Variants in PIAS4 observed in about 807,000 individuals in gnomAD.
PIAS4 encodes E3 SUMO-protein ligase PIAS4.
A neutral mutation model predicts 58.0 loss-of-function variants in PIAS4; 7 were observed. The observed-to-expected ratio is 0.12, with a 90% CI of 0.07 to 0.23. PIAS4 has a LOEUF of 0.23. Among genes scored for constraint, PIAS4 ranks in the 10% least tolerant of loss-of-function variants. The pLI is 1.00. For missense variants in PIAS4, 550 were observed against 709.5 expected, an observed-to-expected ratio of 0.78 and a Z score of 2.55; for synonymous variants, 364 against 312.4, an observed-to-expected ratio of 1.17 and a Z score of -1.74.
At chr19:4,032,200 T>TG (rs997863348) in intron 7 of PIAS4, among the ~76,000 whole-genome samples, 17 of 143,532 alleles carry the variant, frequency 1.2e-4, no homozygotes, top group Admixed American at 6.9e-5. Context: ...TCAGGACAGC[T>TG]GGGGGGAGTG....
At chr19:4,014,075 G>C (rs1299220617) in intron 2 of PIAS4, among the ~76,000 whole-genome samples, 1 of 152,180 alleles carries the variant, frequency 6.6e-6, no homozygotes, top group Non-Finnish European at 1.5e-5. Context: ...CCGGGCTCTG[G>C]TTCCTCGCTG....
Position 4,037,624 on chromosome 19 carries a change from G to C in PIAS4, c.1282G>C (p.Asp428His). ...QGAILVLGPS[D>H]ANGLLPAPSV... ...GTCCCTGTTGCCCGTAGGCCCCTCGGACGCCAATGGGCTCCTGCCCGCCCC... is the reference window on the plus strand; with the variant it reads ...GTCCCTGTTGCCCGTAGGCCCCTCGCACGCCAATGGGCTCCTGCCCGCCCC... The change falls in exon 11 of 11, where the codon GAC becomes CAC. Residue 428 changes from aspartate to histidine, a missense_variant. This residue lies in a region of PIAS4 where 188 missense variants were observed against 192.0 expected (regional missense o/e 0.98). Coordinates refer to ENST00000262971, the MANE Select transcript of PIAS4 (RefSeq NM_015897.4). The surrounding 1 kb of genome is among the most constrained non-coding windows in gnomAD (Gnocchi z 5.8). The C allele has an allele frequency of 6.2e-7, 1 of 1,610,570 alleles. No homozygotes were observed. Among genetic ancestry groups the C allele is most frequent in the Non-Finnish European group, 8.5e-7 (1 of 1,179,786 alleles).
At chr19:4,031,534 C>A (rs1355451928) in intron 7 of PIAS4, among the ~76,000 whole-genome samples, 1 of 152,130 alleles carries the variant, frequency 6.6e-6, no homozygotes, top group Non-Finnish European at 1.5e-5. Flanking sequence ...GCCCTTTTTT[C>A]AACCGCCCCC....
intron 2 of PIAS4, 40 bp from the exon 3 acceptor site, chr19:4,023,996 C>A: frequency 7.0e-7 from 1 of 1,419,030 alleles, no homozygotes; most frequent in Non-Finnish European, 1.0e-6. Context: ...GGGGACCTGC[C>A]AGGGACCAGA....
In PIAS4 at chr19:4,028,785, C is replaced by T. The variant is rs2289863; in HGVS notation, c.738C>T (p.Thr246=). 0.72 allele frequency: 1,156,441 copies of T among 1,613,108 alleles called. 427,523 individuals carry two copies. Among genetic ancestry groups the T allele is most frequent in the East Asian group, 0.9 (40,356 of 44,814 alleles). ...PKRPCRPINL[T]HLMYLSSATN... ...GGCCGTGCCGCCCCATCAACCTCAC[C>T]CACCTCATGTACCTGTCCTCGGCCA... Residue 246 remains threonine, a synonymous_variant, in exon 6 of 11, where the codon ACC becomes ACT. Transcript: ENST00000262971.
intron 9 of PIAS4, among the ~76,000 whole-genome samples, chr19:4,036,292 ACACACACATCTATACAG>A (rs1203432100): frequency 8.1e-6 from 1 of 123,270 alleles, no homozygotes; most frequent in Non-Finnish European, 1.8e-5. Flanking sequence ...ACCGTCACAC[ACACACACATCTATACAG>A]TCCACACCTG....
Position 4,038,017 on chromosome 19 carries a change from C to A in PIAS4, c.*142C>A. 1.3e-6 allele frequency: 1 copy of A among 783,176 alleles called. No homozygotes were observed. The highest frequency in any genetic ancestry group is 2.0e-6 in the Non-Finnish European group (1 of 498,568). The allele number at this position is 783,176 out of a possible 1,614,324, so 48.5% of individuals were successfully genotyped here. On this transcript the variant is annotated 3_prime_UTR_variant, in exon 11 of 11. Coordinates refer to ENST00000262971, the MANE Select transcript of PIAS4 (RefSeq NM_015897.4). The surrounding 1 kb of genome is among the most constrained non-coding windows in gnomAD (Gnocchi z 4.1). ...TTCCACCCTTTTGCCTGGCTCCTGGCACCTGTACCTCTGGACTCTCCTATC... is the reference window on the plus strand; with the variant it reads ...TTCCACCCTTTTGCCTGGCTCCTGGAACCTGTACCTCTGGACTCTCCTATC...
At chr19:4,031,762 C>A (rs765042079) in intron 7 of PIAS4, among the ~76,000 whole-genome samples, 1 of 152,218 alleles carries the variant, frequency 6.6e-6, no homozygotes, top group Non-Finnish European at 1.5e-5. Context: ...GGATTTCTTT[C>A]TTGCTGCACC....
At position 4,037,352 on chromosome 19, in the gene PIAS4, T is replaced by C; in HGVS notation, c.1143-22T>C. The stretch of plus-strand genomic sequence containing the variant: ...GGGTGGGGCACCTCCAGCCCCGGCG[T>C]CAGCTGTCCGCCTCGCCCCAGGCTC... On this transcript the variant is annotated intron_variant, in intron 9 of 10. Transcript: ENST00000262971. This position sits in a 1 kb window ranked among gnomAD's most constrained non-coding sequence, Gnocchi z 5.8. 1.3e-6 allele frequency: 2 copies of C among 1,589,802 alleles called. No homozygotes were observed. The highest frequency in any genetic ancestry group is 1.1e-5 in the South Asian group (1 of 89,644).
chr19:4,028,330 C>A, intron 4 of PIAS4, 143 bp downstream of exon 4: 1 of 818,848 alleles, frequency 1.2e-6, no homozygotes. Flanking sequence ...CTATCCCTGT[C>A]TGGGGATACA....
chr19:4,032,409 C>T (rs2040231159), intron 7 of PIAS4, among the ~76,000 whole-genome samples: 1 of 152,170 alleles, frequency 6.6e-6, no homozygotes, highest in South Asian at 2.1e-4. Flanking sequence ...TGGAGTTTAC[C>T]CTGGGATGGA....
chr19:4,018,650 C>G (rs1341965253), intron 2 of PIAS4: 1 of 152,242 alleles, frequency 6.6e-6, no homozygotes, highest in Admixed American at 6.5e-5. Context: ...ACCATCTCCC[C>G]CTTGGGGAAC....
At chr19:4,021,972 C>G (rs890221227) in intron 2 of PIAS4, among the ~76,000 whole-genome samples, 1 of 151,794 alleles carries the variant, frequency 6.6e-6, no homozygotes, top group Admixed American at 6.6e-5. Context: ...TGGCCTCAAA[C>G]TCCTGGGCTC....
chr19:4,039,084 A>C lies in PIAS4; in HGVS notation c.*1209A>C, dbSNP rs914600898. On this transcript the variant is annotated 3_prime_UTR_variant, in exon 11 of 11. Coordinates refer to ENST00000262971, the MANE Select transcript of PIAS4 (RefSeq NM_015897.4). Reference sequence around the variant, plus strand: ...CAGGAGACCGGGGCGCAGGCGGGGCACCGGCCTCACCTGGTTCTCCAACAC... The same window carrying C: ...CAGGAGACCGGGGCGCAGGCGGGGCCCCGGCCTCACCTGGTTCTCCAACAC... 6.6e-6 allele frequency: 1 copy of C among 152,248 alleles called. No individual in the cohort carries two copies. Among genetic ancestry groups the C allele is most frequent in the East Asian group, 1.9e-4 (1 of 5,186 alleles). The allele number at this position is 152,248 out of a possible 1,614,324, so 9.4% of individuals were successfully genotyped here. A position where few individuals can be genotyped will look rare whatever the true frequency, so the allele number is the denominator to read the frequency against.
Position 4,033,191 on chromosome 19 carries a change from C to A in PIAS4, c.981+18C>A. 1 of 1,601,160 alleles carries A rather than the reference C, an allele frequency of 6.2e-7. No individual in the cohort carries two copies. The highest frequency in any genetic ancestry group is 1.1e-5 in the South Asian group (1 of 90,978). On this transcript the variant is annotated intron_variant, in intron 8 of 10. Coordinates refer to ENST00000262971, the MANE Select transcript of PIAS4 (RefSeq NM_015897.4). ...TCTGTCCGGTGAGTCGGGGCGCGGT[C>A]CCCTCCTCGAGGCCTCTCCTGCGGC...
At chr19:4,008,497 G>A (rs2039964237) in intron 1 of PIAS4, among the ~76,000 whole-genome samples, 1 of 152,144 alleles carries the variant, frequency 6.6e-6, no homozygotes, top group African/African-American at 2.4e-5. Context: ...GCCGGAGTGG[G>A]CGCTTGGGGG....
At chr19:4,022,529 G>A (rs1422194516) in intron 2 of PIAS4, among the ~76,000 whole-genome samples, 3 of 151,076 alleles carry the variant, frequency 2.0e-5, no homozygotes, top group Non-Finnish European at 1.5e-5. Context: ...ACTACACCCA[G>A]CTAATTTTTT....
intron 9 of PIAS4, among the ~76,000 whole-genome samples, chr19:4,035,542 G>A (rs967311913): frequency 5.9e-5 from 9 of 152,124 alleles, no homozygotes; most frequent in African/African-American, 2.2e-4. Flanking sequence ...GACACAGTGG[G>A]GGTGCTCTGG....
At chr19:4,032,011 G>A (rs1458219588) in intron 7 of PIAS4, among the ~76,000 whole-genome samples, 1 of 152,180 alleles carries the variant, frequency 6.6e-6, no homozygotes, top group African/African-American at 2.4e-5. Flanking sequence ...GGGAGCTGCT[G>A]GGAGCCAGCA....
Sources: allele counts gnomAD v4.1 joint callset (sites outside exome capture counted in the v4.1 genomes callset), GRCh38; gene constraint gnomAD v4.1.1; regional missense constraint gnomAD v4.1.1; non-coding constraint Gnocchi (gnomAD v3.1); transcripts MANE v1.5; gene names NCBI Gene and HGNC (gene_info 2026-07-23, HGNC 2026-07-21).